CUX1: variants seen among roughly 807,000 people sequenced by gnomAD.
CUX1 encodes the protein cut like homeobox 1.
CUX1 carries 31 observed loss-of-function variants against 158.8 expected under a neutral mutation model. The observed-to-expected ratio is 0.20, with a 90% CI of 0.15 to 0.26. The LOEUF is 0.26. Ranked by LOEUF, CUX1 falls within the 10% of genes least tolerant of loss-of-function variation. The pLI is 1.00. For missense variants in CUX1, 1,589 were observed against 2,014.6 expected (o/e 0.79, Z 4.04); for synonymous variants, 879 against 862.1 (o/e 1.02, Z -0.34).
intron 1 of CUX1, among the ~76,000 whole-genome samples, chr7:101,826,405 T>A (rs1482958978): frequency 1.3e-5 from 2 of 151,974 alleles, no homozygotes; most frequent in Non-Finnish European, 2.9e-5. Flanking sequence ...TTTTGCCCTG[T>A]TCCCCAGGCT....
At chr7:101,975,274 G>A (rs1812517299) in intron 2 of CUX1, among the ~76,000 whole-genome samples, 1 of 151,766 alleles carries the variant, frequency 6.6e-6, no homozygotes, top group South Asian at 2.1e-4. Context: ...AAGAGAGAGA[G>A]AGAGAGAAAA....
At position 101,832,456 on chromosome 7, in the gene CUX1, C is replaced by A. The variant is rs566162049; in HGVS notation, c.30+14787C>A. On this transcript the variant is annotated intron_variant, in intron 1 of 23. Transcript: ENST00000292535. ...GCACCTGCGGTGCAGGGGGCTGGCA[C>A]CTTCAGGGGCGGGCTTCGTGCAGAC... Among the ~76,000 whole-genome samples the A allele has an allele frequency of 2.6e-5, 4 of 152,274 alleles. No homozygotes were observed. In the South Asian group the frequency reaches 8.3e-4, roughly 32 times the overall value.
At chr7:102,194,607 T>A (rs910629465) in intron 13 of CUX1, among the ~76,000 whole-genome samples, 2 of 151,882 alleles carry the variant, frequency 1.3e-5, no homozygotes, top group Admixed American at 6.6e-5. Context: ...ATTTTTTTTT[T>A]AATTGCATTA....
upstream of CUX1, chr7:101,817,496 G>A (rs1407188505): frequency 3.6e-6 from 4 of 1,120,366 alleles, 1 homozygote; most frequent in Non-Finnish European, 4.4e-6. This position sits in a 1 kb window ranked among gnomAD's most constrained non-coding sequence, Gnocchi z 4.1. Context: ...TCCCCGGCCC[G>A]CGCCCGAGTC....
At chr7:101,967,691 T>C (rs1325711316) in intron 2 of CUX1, among the ~76,000 whole-genome samples, 1 of 152,224 alleles carries the variant, frequency 6.6e-6, no homozygotes, top group Non-Finnish European at 1.5e-5. Flanking sequence ...GGATGTTGTG[T>C]GCACCACACT....
intron 1 of CUX1, among the ~76,000 whole-genome samples, chr7:101,855,601 C>T (rs779975461): frequency 4.6e-5 from 7 of 152,232 alleles, no homozygotes; most frequent in South Asian, 4.1e-4. Flanking sequence ...AGCTTAAGGC[C>T]GGGCGCGGTG....
intron 2 of CUX1, among the ~76,000 whole-genome samples, chr7:102,023,139 T>TG (rs1485275343): frequency 2.0e-5 from 3 of 152,016 alleles, no homozygotes; most frequent in East Asian, 3.9e-4. Flanking sequence ...CGCTTGAACC[T>TG]GGGGGGTGGA....
intron 23 of CUX1, among the ~76,000 whole-genome samples, chr7:102,246,226 TCA>T (rs1800794630): frequency 6.6e-6 from 1 of 152,102 alleles, no homozygotes; most frequent in Non-Finnish European, 1.5e-5. Context: ...ACTAGCAGTC[TCA>T]CTGCCAAGGA....
rs138437941 is a variant in CUX1, at chr7:101,974,790, C to T, written c.142-53308C>T. ...AATTTTATAGTAGGAATTATTTGTGCGTTGTATGTATAATAAACACATGGA... is the reference window on the plus strand; with the variant it reads ...AATTTTATAGTAGGAATTATTTGTGTGTTGTATGTATAATAAACACATGGA... On this transcript the variant is annotated intron_variant, in intron 2 of 23. Coordinates refer to ENST00000292535, the MANE Select transcript of CUX1 (RefSeq NM_181552.4). Among the ~76,000 whole-genome samples the T allele has an allele frequency of 1.2e-4, 18 of 152,060 alleles. No individual in the cohort carries two copies. In the East Asian group the frequency reaches 2.3e-3, roughly 20 times the overall value.
At chr7:101,956,590 T>G (rs983078173) in intron 2 of CUX1, among the ~76,000 whole-genome samples, 1 of 152,236 alleles carries the variant, frequency 6.6e-6, no homozygotes, top group Non-Finnish European at 1.5e-5. Context: ...TTGAGAATTT[T>G]GTATTCCTTT....
At chr7:102,269,716 G>A (rs1297323395) in intron 14 of CUX1, among the ~76,000 whole-genome samples, 4 of 151,550 alleles carry the variant, frequency 2.6e-5, no homozygotes, top group Non-Finnish European at 4.4e-5. Context: ...GAGCCACCAC[G>A]CCCACCCCCA....
At position 102,268,577 on chromosome 7, in the gene CUX1, C is replaced by G. The variant is rs578220261; in HGVS notation, c.1256-4789C>G. ...ACTGTCTCAGGACCTGTCCACCACC[C>G]CTGATTTTCTGTATTAGCTGTTCTT... On this transcript the variant is annotated intron_variant, in intron 14 of 22. Transcript: ENST00000292538. Among the ~76,000 whole-genome samples, 10 of 152,292 alleles carry G rather than the reference C, an allele frequency of 6.6e-5. No individual in the cohort carries two copies. In the South Asian group the frequency reaches 1.0e-3, roughly 16 times the overall value.
intron 1 of CUX1, among the ~76,000 whole-genome samples, chr7:101,900,457 G>A (rs1453885381): frequency 6.6e-6 from 1 of 152,226 alleles, no homozygotes; most frequent in Non-Finnish European, 1.5e-5. Flanking sequence ...CTCGCTGAAT[G>A]CGGCACCGAA....
chr7:102,280,204 C>A, intron 19 of CUX1: 1 of 831,440 alleles, frequency 1.2e-6, no homozygotes, highest in Non-Finnish European at 2.0e-6. Flanking sequence ...TGGCCCCTAT[C>A]CCTGAGCACT....
At chr7:101,919,651 A>AAAGG (rs1804660530) in intron 2 of CUX1, among the ~76,000 whole-genome samples, 1 of 152,190 alleles carries the variant, frequency 6.6e-6, no homozygotes, top group Admixed American at 6.5e-5. Context: ...GGAAAGAAGG[A>AAAGG]AAGGTTTCCT....
chr7:102,027,865 C>T (rs576369286), intron 2 of CUX1, among the ~76,000 whole-genome samples: 1 of 152,126 alleles, frequency 6.6e-6, no homozygotes, highest in African/African-American at 2.4e-5. Flanking sequence ...CTGTCTTCAA[C>T]AACAAGAACA....
intron 3 of CUX1, among the ~76,000 whole-genome samples, chr7:102,051,654 C>CAAAAAAAAAAAA (rs1299911064): frequency 3.3e-5 from 3 of 89,750 alleles, no homozygotes; most frequent in African/African-American, 8.0e-5. Context: ...GACTCTGTCT[C>CAAAAAAAAAAAA]AAAAAAAAAA....
chr7:101,962,492 C>T (rs1026750556), intron 2 of CUX1, among the ~76,000 whole-genome samples: 10 of 152,166 alleles, frequency 6.6e-5, no homozygotes, highest in African/African-American at 1.7e-4. Flanking sequence ...CCGGAGATAA[C>T]GAACTGTTAC....
intron 4 of CUX1, 31 bp from the exon 5 acceptor site, chr7:102,097,333 G>C: frequency 1.3e-6 from 2 of 1,593,190 alleles, no homozygotes; most frequent in Non-Finnish European, 1.7e-6. Flanking sequence ...TGCTGGCCGA[G>C]TGGGGTGATG....
Sources: gnomAD v4.1 joint callset for allele counts (sites outside exome capture counted in the v4.1 genomes callset) on GRCh38, gnomAD v4.1.1 for gene constraint, Gnocchi (gnomAD v3.1) non-coding constraint, MANE v1.5 for transcripts, NCBI Gene and HGNC (gene_info 2026-07-23, HGNC 2026-07-21) for gene names.